Variants in GCH1 observed in about 807,000 individuals in gnomAD.
GCH1 encodes the protein GTP cyclohydrolase I.
A neutral mutation model predicts 25.9 loss-of-function variants in GCH1; 5 were observed. That is an observed-to-expected ratio of 0.19 (90% CI 0.10 to 0.41). GCH1 has a LOEUF of 0.41. Among genes scored for constraint, GCH1 ranks in the 10% least tolerant of loss-of-function variants. The probability of loss-of-function intolerance (pLI) is 1.00; values close to 1 mark genes in which losing one functional copy is unlikely to be tolerated. For synonymous variants in GCH1, 159 were observed against 129.6 expected, an observed-to-expected ratio of 1.23 and a Z score of -1.54; for missense variants, 261 against 336.5, an observed-to-expected ratio of 0.78 and a Z score of 1.75.
intron 1 of GCH1, among the ~76,000 whole-genome samples, chr14:54,898,654 C>CT: frequency 6.6e-6 from 1 of 152,290 alleles, no homozygotes; most frequent in Non-Finnish European, 1.5e-5. Context: ...GAGTCTCACT[C>CT]TGTCAACCAG....
At chr14:54,854,304 G>C (rs938293241) in intron 3 of GCH1, among the ~76,000 whole-genome samples, 1 of 152,192 alleles carries the variant, frequency 6.6e-6, no homozygotes, top group Non-Finnish European at 1.5e-5. Context: ...GAGAGGCAGG[G>C]AGGAGGCAGG....
At chr14:54,867,040 C>A (rs2039997552) in intron 1 of GCH1, among the ~76,000 whole-genome samples, 1 of 152,160 alleles carries the variant, frequency 6.6e-6, no homozygotes, top group African/African-American at 2.4e-5. Flanking sequence ...CCAAAAGTTT[C>A]TTGGATTTCT....
chr14:54,880,353 T>C (rs2040228302), intron 1 of GCH1, among the ~76,000 whole-genome samples: 1 of 144,852 alleles, frequency 6.9e-6, no homozygotes, highest in Non-Finnish European at 1.5e-5. Context: ...TCATTAATAA[T>C]ATATTATAAA....
intron 1 of GCH1, among the ~76,000 whole-genome samples, chr14:54,871,013 C>G (rs1220756316): frequency 2.0e-5 from 3 of 152,212 alleles, no homozygotes; most frequent in African/African-American, 7.2e-5. Context: ...GTTCTCCCAG[C>G]ATGCAGCCTG....
At chr14:54,873,314 A>G (rs1419512986) in intron 1 of GCH1, among the ~76,000 whole-genome samples, 1 of 152,208 alleles carries the variant, frequency 6.6e-6, no homozygotes, top group South Asian at 2.1e-4. Flanking sequence ...AAGACACAAC[A>G]TACCAGACTC....
intron 1 of GCH1, among the ~76,000 whole-genome samples, chr14:54,874,094 A>G (rs1594999636): frequency 6.6e-6 from 1 of 152,204 alleles, no homozygotes; most frequent in Non-Finnish European, 1.5e-5. Flanking sequence ...AAAACCCTCA[A>G]AAAAATGCTG....
In GCH1 at chr14:54,902,617, G is replaced by A; in HGVS notation, c.47C>T (p.Ala16Val). The change falls in exon 1 of 6, where the codon GCC becomes GTC. Residue 16 changes from alanine (A) to valine (V), a missense_variant. Physicochemically the swap from Ala to Val is moderately conservative, Grantham distance 64. Transcript: ENST00000491895. ...VRAPAEKPRG[A>V]RCSNGFPERD... The stretch of plus-strand genomic sequence containing the variant: ...CTCGGGGAACCCATTGCTGCACCTG[G>A]CGCCCCGCGGCTTCTCCGCCGGTGC... 1 of 1,488,838 alleles carries A rather than the reference G, an allele frequency of 6.7e-7. No individual in the cohort carries two copies. The highest frequency in any genetic ancestry group is 8.9e-7 in the Non-Finnish European group (1 of 1,121,948). The allele number at this position is 1,488,838 out of a possible 1,614,324, so 92.2% of individuals were successfully genotyped here. A position where few individuals can be genotyped will look rare whatever the true frequency, so the allele number is the denominator to read the frequency against.
intron 2 of GCH1, among the ~76,000 whole-genome samples, chr14:54,861,156 T>C (rs1013893797): frequency 6.6e-6 from 1 of 152,348 alleles, no homozygotes; most frequent in East Asian, 1.9e-4. Context: ...ATTTACATAA[T>C]TGATCTAGTA....
chr14:54,856,966 A>G (rs1243122228), intron 3 of GCH1, among the ~76,000 whole-genome samples: 3 of 152,244 alleles, frequency 2.0e-5, no homozygotes, highest in African/African-American at 7.2e-5. Flanking sequence ...AGGCAAGCAT[A>G]TAACAAACTT....
chr14:54,849,502 A>C (rs1204519508), intron 3 of GCH1, among the ~76,000 whole-genome samples: 2 of 152,108 alleles, frequency 1.3e-5, no homozygotes, highest in Non-Finnish European at 2.9e-5. Flanking sequence ...TAGATAATCG[A>C]TATTTCTTTC....
intron 1 of GCH1, among the ~76,000 whole-genome samples, chr14:54,887,611 A>C (rs2040370227): frequency 6.6e-6 from 1 of 152,186 alleles, no homozygotes; most frequent in Non-Finnish European, 1.5e-5. Context: ...GACATTTGAG[A>C]CACCTGAGGA....
At chr14:54,883,997 A>C (rs1320599507) in intron 1 of GCH1, among the ~76,000 whole-genome samples, 1 of 152,234 alleles carries the variant, frequency 6.6e-6, no homozygotes, top group Non-Finnish European at 1.5e-5. Context: ...CCCACATTCT[A>C]GAAAAATATC....
intron 3 of GCH1, among the ~76,000 whole-genome samples, chr14:54,848,494 A>C (rs1263362362): frequency 6.6e-6 from 1 of 152,126 alleles, no homozygotes; most frequent in African/African-American, 2.4e-5. Flanking sequence ...TGACCACGTG[A>C]CTTATCCATT....
chr14:54,880,446 T>G (rs1336507265), intron 1 of GCH1, among the ~76,000 whole-genome samples: 2 of 122,368 alleles, frequency 1.6e-5, no homozygotes, highest in Admixed American at 1.8e-4. Context: ...ATATATATAC[T>G]CCATATAAAT....
intron 1 of GCH1, among the ~76,000 whole-genome samples, chr14:54,867,584 C>G (rs577992473): frequency 5.3e-5 from 4 of 75,720 alleles, no homozygotes; most frequent in African/African-American, 1.6e-4. Context: ...AACAAGACTC[C>G]GTCTCAAAAA....
At chr14:54,862,593 G>GTTT (rs112283632) in intron 2 of GCH1, among the ~76,000 whole-genome samples, 22,425 of 97,090 alleles carry the variant, frequency 0.23, 2,753 homozygotes, top group East Asian at 0.34. Context: ...ATTGGTTTTC[G>GTTT]TTTTTTTTTT....
chr14:54,884,661 T>C (rs2040320884), intron 1 of GCH1, among the ~76,000 whole-genome samples: 2 of 149,972 alleles, frequency 1.3e-5, no homozygotes, highest in Non-Finnish European at 3.0e-5. Flanking sequence ...TCCCAGCTAC[T>C]TGGGAGGCTG....
chr14:54,874,881 G>A (rs577822800), intron 1 of GCH1, among the ~76,000 whole-genome samples: 20 of 152,216 alleles, frequency 1.3e-4, no homozygotes, highest in African/African-American at 4.3e-4. Context: ...GCTCATGGGT[G>A]GGAAGAATCA....
Position 54,842,999 on chromosome 14 carries a change from C to A in GCH1, c.*1018G>T, listed in dbSNP as rs772782531. The A allele has an allele frequency of 2.5e-6, 2 of 791,166 alleles. No individual in the cohort carries two copies. Among genetic ancestry groups the A allele is most frequent in the Non-Finnish European group, 4.6e-6 (2 of 433,480 alleles). The allele number at this position is 791,166 out of a possible 1,614,324, so 49.0% of individuals were successfully genotyped here. ...GTTGGACACAGCTCATAATGTCTTC[C>A]ACCGTCAGTTCATTCTGTGCTCGTT... On this transcript the variant is annotated 3_prime_UTR_variant, in exon 6 of 6. Coordinates refer to ENST00000491895, the MANE Select transcript of GCH1 (RefSeq NM_000161.3).
Sources: gnomAD v4.1 joint callset for allele counts (sites outside exome capture counted in the v4.1 genomes callset) on GRCh38, gnomAD v4.1.1 for gene constraint, MANE v1.5 for transcripts, NCBI Gene and HGNC (gene_info 2026-07-23, HGNC 2026-07-21) for gene names.